MMP13: variants seen among roughly 807,000 people sequenced by gnomAD.
MMP13 encodes collagenase 3.
In MMP13, 45 loss-of-function variants were observed where a neutral mutation model predicts 52.1. The observed-to-expected ratio is 0.86, with a 90% CI of 0.68 to 1.11. The LOEUF is 1.11. Among genes scored for constraint, MMP13 ranks in the 50% least tolerant of loss-of-function variants. The probability of loss-of-function intolerance (pLI) is 0.00; values close to 1 mark genes in which losing one functional copy is unlikely to be tolerated. For synonymous variants in MMP13, 200 were observed against 204.4 expected, an observed-to-expected ratio of 0.98 and a Z score of 0.18; for missense variants, 576 against 583.8, an observed-to-expected ratio of 0.99 and a Z score of 0.14.
intron 9 of MMP13, chr11:102,945,289 A>C: frequency 9.9e-7 from 1 of 1,013,786 alleles, no homozygotes; most frequent in Admixed American, 4.1e-5. Flanking sequence ...AAAAGTCACT[A>C]TATAGTTAAG....
At chr11:102,945,276 G>GT in intron 9 of MMP13, 1 of 901,950 alleles carries the variant, frequency 1.1e-6, no homozygotes, top group Non-Finnish European at 1.4e-6. Context: ...CATAATTAAA[G>GT]TAAAAAGTCA....
At chr11:102,953,240 A>G (rs923498719) in intron 4 of MMP13, among the ~76,000 whole-genome samples, 6 of 152,172 alleles carry the variant, frequency 3.9e-5, no homozygotes, top group African/African-American at 7.2e-5. Flanking sequence ...CTGTGATTCT[A>G]CCTTAACAAT....
intron 5 of MMP13, 101 bp downstream of exon 5, chr11:102,951,911 C>G: frequency 7.7e-7 from 1 of 1,293,356 alleles, no homozygotes; most frequent in Non-Finnish European, 1.1e-6. Flanking sequence ...CTTCACTGTA[C>G]CAAAACATTA....
chr11:102,950,929 T>C (rs17860549), intron 5 of MMP13, among the ~76,000 whole-genome samples: 2 of 152,334 alleles, frequency 1.3e-5, no homozygotes, highest in African/African-American at 4.8e-5. Context: ...TTTGCCATCT[T>C]CAAGTTCATG....
At position 102,944,124 on chromosome 11, in the gene MMP13, C is replaced by T. The variant is rs782399792; in HGVS notation, c.*142G>A. 1 of 704,554 alleles carries T rather than the reference C, an allele frequency of 1.4e-6. No homozygotes were observed. The highest frequency in any genetic ancestry group is 2.6e-6 in the Non-Finnish European group (1 of 379,378). The allele number at this position is 704,554 out of a possible 1,614,324, so 43.6% of individuals were successfully genotyped here. A position where few individuals can be genotyped will look rare whatever the true frequency, so the allele number is the denominator to read the frequency against. The stretch of plus-strand genomic sequence containing the variant: ...CCAGCCACGCATAGTCATATAGATA[C>T]TACATATTCAAAGATAACTTACTGA... On this transcript the variant is annotated 3_prime_UTR_variant, in exon 10 of 10. Transcript: ENST00000260302.
At chr11:102,946,280 T>C (rs1162886074) in intron 8 of MMP13, among the ~76,000 whole-genome samples, 4 of 152,190 alleles carry the variant, frequency 2.6e-5, no homozygotes, top group African/African-American at 7.2e-5. Flanking sequence ...CCTTCTCCCC[T>C]GCCCACAGCC....
At position 102,949,033 on chromosome 11, in the gene MMP13, A is replaced by T; in HGVS notation, c.1043T>A (p.Ile348Asn). 1 of 1,613,776 alleles carries T rather than the reference A, an allele frequency of 6.2e-7. No individual in the cohort carries two copies. Among genetic ancestry groups the T allele is most frequent in the Non-Finnish European group, 8.5e-7 (1 of 1,179,764 alleles). The change falls in exon 7 of 10, where the codon ATC becomes AAC. Residue 348 changes from isoleucine (I) to asparagine (N), a missense_variant. Coordinates refer to ENST00000260302, the MANE Select transcript of MMP13 (RefSeq NM_002427.4). This position sits in a 1 kb window ranked among gnomAD's most constrained non-coding sequence, Gnocchi z 4.2. ...CTCTGTGGAAAGCTTACCTCTGAAG[A>T]TGAAGATGAGGTCATGAGAAGGGTG... ...YEHPSHDLIF[I>N]FRGRKFWALN...
At chr11:102,954,668 T>TCTTTAGAA in intron 2 of MMP13, 62 bp from the exon 3 acceptor site, 1 of 1,460,836 alleles carries the variant, frequency 6.8e-7, no homozygotes, top group Non-Finnish European at 9.6e-7. Context: ...TAGAATACAT[T>TCTTTAGAA]TTCTTGGTAT....
At chr11:102,945,037 A>C (rs542675004) in intron 9 of MMP13, 2 of 228,672 alleles carry the variant, frequency 8.7e-6, no homozygotes, top group South Asian at 4.7e-5. Flanking sequence ...TGAGGCCAGG[A>C]GTTCAAGACC....
At position 102,948,036 on chromosome 11, in the gene MMP13, C is replaced by T. The variant is rs372747673; in HGVS notation, c.1066G>A (p.Ala356Thr). ...IFIFRGRKFW[A>T]LNGYDILEGY... ...TCCAGAATGTCATAACCATTAAGAG[C>T]CCAAAATTTTCTACCTGGAATGAGT... The change falls in exon 8 of 10, where the codon GCT (alanine) becomes ACT (threonine). Residue 356 changes from alanine (A) to threonine (T), a missense_variant. Physicochemically the swap from Ala to Thr is moderately conservative, Grantham distance 58. Coordinates refer to ENST00000260302, the MANE Select transcript of MMP13 (RefSeq NM_002427.4). The T allele has an allele frequency of 6.2e-7, 1 of 1,613,240 alleles. No homozygotes were observed. The highest frequency in any genetic ancestry group is 1.3e-5 in the African/African-American group (1 of 74,826).
chr11:102,944,335 C>G lies in MMP13; in HGVS notation c.1347G>C (p.Gln449His). The G allele has an allele frequency of 6.2e-7, 1 of 1,612,840 alleles. No homozygotes were observed. The highest frequency in any genetic ancestry group is 8.5e-7 in the Non-Finnish European group (1 of 1,179,108). The part of the protein sequence containing the change: ...GYIYFFNGPI[Q>H]FEYSIWSNRI... ...GGTTACTCCAGATGCTGTATTCAAA[C>G]TGTATGGGTCCGTTGAAAAAATAGA... Residue 449 changes from glutamine (Q) to histidine (H), a missense_variant, in exon 10 of 10, where the codon CAG becomes CAC. Coordinates refer to ENST00000260302, the MANE Select transcript of MMP13 (RefSeq NM_002427.4).
At chr11:102,947,525 A>T (rs1398216592) in intron 8 of MMP13, among the ~76,000 whole-genome samples, 2 of 152,190 alleles carry the variant, frequency 1.3e-5, no homozygotes, top group African/African-American at 4.8e-5. Flanking sequence ...GTGAGCCAAG[A>T]TCATGCCACT....
intron 9 of MMP13, chr11:102,945,126 C>T (rs1555016497): frequency 2.9e-6 from 1 of 341,372 alleles, no homozygotes; most frequent in East Asian, 9.8e-5. Context: ...CACCTGTAAT[C>T]CCAGCTACTC....
intron 4 of MMP13, among the ~76,000 whole-genome samples, chr11:102,953,594 T>C (rs1591158429): frequency 6.6e-6 from 1 of 152,174 alleles, no homozygotes; most frequent in South Asian, 2.1e-4. Flanking sequence ...TTTGCTCTTG[T>C]AAATACAACC....
At chr11:102,948,080 T>C (rs1361279082) in intron 7 of MMP13, 30 bp from the exon 8 acceptor site, 4 of 1,599,786 alleles carry the variant, frequency 2.5e-6, no homozygotes, top group Non-Finnish European at 3.4e-6. Context: ...AGTTCTATTA[T>C]CCAAGGGAAT....
At chr11:102,954,645 G>A in intron 2 of MMP13, 39 bp from the exon 3 acceptor site, 1 of 1,581,624 alleles carries the variant, frequency 6.3e-7, no homozygotes, top group South Asian at 1.1e-5. Flanking sequence ...TTTTTGGAAA[G>A]TGACAGCTAT....
Position 102,946,003 on chromosome 11 carries a change from A to G in MMP13, c.1212-254T>C, listed in dbSNP as rs7120692. Among the ~76,000 whole-genome samples the G allele has an allele frequency of 0.02, 2,982 of 152,330 alleles. 90 individuals are homozygous for G. Among genetic ancestry groups the G allele is most frequent in the African/African-American group, 0.067 (2,797 of 41,566 alleles). ...TTACAAGCTCATTTCCATTTCACAAATGATATATCTGTTATAAAAGTATGT... is the reference window on the plus strand; with the variant it reads ...TTACAAGCTCATTTCCATTTCACAAGTGATATATCTGTTATAAAAGTATGT... On this transcript the variant is annotated intron_variant, in intron 8 of 9. Coordinates refer to ENST00000260302, the MANE Select transcript of MMP13 (RefSeq NM_002427.4).
At chr11:102,954,388 A>C (rs1476843692) in intron 3 of MMP13, 70 bp downstream of exon 3, 5 of 1,595,430 alleles carry the variant, frequency 3.1e-6, no homozygotes, top group Non-Finnish European at 4.3e-6. Flanking sequence ...AATGACTGAA[A>C]TAAATAATTT....
At chr11:102,948,328 G>C (rs1203370443) in intron 7 of MMP13, among the ~76,000 whole-genome samples, 1 of 152,024 alleles carries the variant, frequency 6.6e-6, no homozygotes, top group Non-Finnish European at 1.5e-5. Context: ...TTTAAAGCTA[G>C]GTGGAAAAAA....
Sources: allele counts gnomAD v4.1 joint callset (sites outside exome capture counted in the v4.1 genomes callset), GRCh38; gene constraint gnomAD v4.1.1; non-coding constraint Gnocchi (gnomAD v3.1); transcripts MANE v1.5; gene names NCBI Gene and HGNC (gene_info 2026-07-23, HGNC 2026-07-21).